The following METAP1 variants were observed in gnomAD, a reference collection of about 807,000 sequenced individuals.
The protein encoded by METAP1 is methionyl aminopeptidase 1.
A neutral mutation model predicts 53.8 loss-of-function variants in METAP1; 28 were observed. That is an observed-to-expected ratio of 0.52 (90% CI 0.39 to 0.71). The LOEUF is 0.71. Ranked by LOEUF, METAP1 falls within the 30% of genes least tolerant of loss-of-function variation. The pLI is 0.00. For missense variants in METAP1, 389 were observed against 479.8 expected (o/e 0.81, Z 1.77); for synonymous variants, 181 against 165.7 (o/e 1.09, Z -0.71).
At chr4:99,022,425 G>T in intron 1 of METAP1, 1 of 666,678 alleles carries the variant, frequency 1.5e-6, no homozygotes, top group Non-Finnish European at 2.5e-6. Flanking sequence ...CAGTTGCCAG[G>T]TGAGCCCATT....
intron 1 of METAP1, among the ~76,000 whole-genome samples, chr4:99,014,762 G>A (rs888966151): frequency 1.3e-5 from 2 of 152,184 alleles, no homozygotes; most frequent in African/African-American, 4.8e-5. Context: ...AGAGTATCCA[G>A]TAAGTGCCCC....
chr4:99,061,283 A>T lies in METAP1; in HGVS notation c.1127A>T (p.Asp376Val). 1.2e-6 allele frequency: 2 copies of T among 1,613,904 alleles called. No homozygotes were observed. Among genetic ancestry groups the T allele is most frequent in the Non-Finnish European group, 1.7e-6 (2 of 1,179,856 alleles). ...TGTGAAATCCTAACCCGGCGACTTG[A>T]CAGTGCACGGCCTCACTTCATGTCT... ...TGCEILTRRLDSARPHFMSQF is the reference protein window; with the variant it reads ...TGCEILTRRLVSARPHFMSQF Residue 376 changes from aspartate (D) to valine (V), a missense_variant, in exon 11 of 11, where the codon GAC becomes GTC. By Grantham distance (152) the Asp-to-Val change is radical. Coordinates refer to ENST00000296411, the MANE Select transcript of METAP1 (RefSeq NM_015143.3).
At chr4:99,041,816 A>G (rs753909215) in intron 6 of METAP1, among the ~76,000 whole-genome samples, 3 of 151,596 alleles carry the variant, frequency 2.0e-5, no homozygotes, top group Non-Finnish European at 4.4e-5. Context: ...ATGGTATTGT[A>G]AATTGGAAGA....
chr4:99,041,776 G>A (rs984658425), intron 6 of METAP1, among the ~76,000 whole-genome samples: 6 of 151,604 alleles, frequency 4.0e-5, no homozygotes, highest in African/African-American at 1.5e-4. Context: ...GTGTGGAAAT[G>A]ATGAAACTGG....
chr4:99,022,845 T>TAG (rs1430373605), intron 1 of METAP1: 17 of 1,567,856 alleles, frequency 1.1e-5, no homozygotes, highest in Non-Finnish European at 1.4e-5. Flanking sequence ...TACTGCTTTT[T>TAG]TCCCTCCCAC....
At chr4:99,044,369 T>C (rs937360044) in intron 7 of METAP1, among the ~76,000 whole-genome samples, 1 of 152,224 alleles carries the variant, frequency 6.6e-6, no homozygotes, top group African/African-American at 2.4e-5. Context: ...CTGTGAATGA[T>C]AGCCGAAATT....
At position 99,011,473 on chromosome 4, in the gene METAP1, T is replaced by G. The variant is rs1435837126; in HGVS notation, c.114+15606T>G. On this transcript the variant is annotated intron_variant, in intron 1 of 10. Coordinates refer to ENST00000296411, the MANE Select transcript of METAP1 (RefSeq NM_015143.3). Reference sequence around the variant, plus strand: ...GATGTATTAAATTGATTTTTGTTTTTGAATATTCTTGCATTCCTGGAATAA... The same window carrying G: ...GATGTATTAAATTGATTTTTGTTTTGGAATATTCTTGCATTCCTGGAATAA... 2.6e-5 allele frequency among the ~76,000 whole-genome samples: 4 copies of G among 152,360 alleles called. No homozygotes were observed. The East Asian group carries it at 7.7e-4, about 29-fold the overall frequency.
In METAP1 at chr4:99,010,450, C is replaced by T. The variant is rs553985983; in HGVS notation, c.114+14583C>T. ...CAGCTTAGGTGACGAGGTGAGACCC[C>T]ATCTTTAAAAAACAAAAACCTCCCA... On this transcript the variant is annotated intron_variant, in intron 1 of 10. Transcript: ENST00000296411. Among the ~76,000 whole-genome samples, 3 of 152,186 alleles carry T rather than the reference C, an allele frequency of 2.0e-5. No homozygotes were observed. In the South Asian group the frequency reaches 6.2e-4, roughly 32 times the overall value.
At chr4:99,004,492 C>T (rs866633695) in intron 1 of METAP1, among the ~76,000 whole-genome samples, 21 of 133,356 alleles carry the variant, frequency 1.6e-4, no homozygotes, top group African/African-American at 5.1e-4. Context: ...CATACACACA[C>T]ACACACACAC....
Position 99,013,555 on chromosome 4 carries a change from C to T in METAP1, c.115-15312C>T, listed in dbSNP as rs553746045. 9.8e-5 allele frequency among the ~76,000 whole-genome samples: 15 copies of T among 152,330 alleles called. No individual in the cohort carries two copies. In the East Asian group the frequency reaches 1.2e-3, roughly 12 times the overall value. ...AGTCCAGCCACGAGAGCACACCAAACAAAGGAGACGGGGACATTTATAACC... is the reference window on the plus strand; with the variant it reads ...AGTCCAGCCACGAGAGCACACCAAATAAAGGAGACGGGGACATTTATAACC... On this transcript the variant is annotated intron_variant, in intron 1 of 10. Transcript: ENST00000296411.
intron 7 of METAP1, among the ~76,000 whole-genome samples, chr4:99,043,959 G>C (rs1046118001): frequency 6.6e-6 from 1 of 152,226 alleles, no homozygotes; most frequent in South Asian, 2.1e-4. Flanking sequence ...TTTGGAGACA[G>C]GGTCTCACTG....
chr4:99,026,393 T>C (rs574915538), intron 1 of METAP1: 2 of 985,386 alleles, frequency 2.0e-6, no homozygotes, highest in Non-Finnish European at 2.4e-6. Flanking sequence ...AGCTTGTGTG[T>C]GGAGTGAAGT....
In METAP1 at chr4:99,018,569, C is replaced by T. The variant is rs187867791; in HGVS notation, c.115-10298C>T. Among the ~76,000 whole-genome samples, 501 of 152,268 alleles carry T rather than the reference C, an allele frequency of 3.3e-3. 1 individual carries two copies. Among genetic ancestry groups the T allele is most frequent in the African/African-American group, 0.01 (422 of 41,550 alleles). ...ATCTTGGCTGTCCTCAGCCAAAGGA[C>T]GTGCCCAGAAAGCATCCTTTAAGTC... On this transcript the variant is annotated intron_variant, in intron 1 of 10. Coordinates refer to ENST00000296411, the MANE Select transcript of METAP1 (RefSeq NM_015143.3).
intron 6 of METAP1, 32 bp from the exon 7 acceptor site, chr4:99,043,217 A>G (rs1726002627): frequency 6.9e-7 from 1 of 1,446,630 alleles, no homozygotes. Flanking sequence ...TTTTTCTTTT[A>G]TATATTCCAA....
rs1326477704 is a variant in METAP1, at chr4:99,034,743, C to G, written c.279+401C>G. Among the ~76,000 whole-genome samples the G allele has an allele frequency of 2.6e-5, 4 of 152,226 alleles. No homozygotes were observed. The East Asian group carries it at 7.7e-4, about 29-fold the overall frequency. On this transcript the variant is annotated intron_variant, in intron 3 of 10. Coordinates refer to ENST00000296411, the MANE Select transcript of METAP1 (RefSeq NM_015143.3). ...TCAACCTTCCGTATCACAGATTGTG[C>G]GTCAACAGATGCAGAACCAGGAGAT...
At chr4:99,051,810 A>G (rs1281191025) in intron 9 of METAP1, among the ~76,000 whole-genome samples, 1 of 152,188 alleles carries the variant, frequency 6.6e-6, no homozygotes, top group Non-Finnish European at 1.5e-5. Context: ...ATCTTTTGAA[A>G]TGTAAATCTC....
chr4:99,052,001 A>G (rs1488581952), intron 9 of METAP1, among the ~76,000 whole-genome samples: 1 of 152,226 alleles, frequency 6.6e-6, no homozygotes, highest in Non-Finnish European at 1.5e-5. Flanking sequence ...TTTAAACTGT[A>G]CAGGCATACC....
intron 1 of METAP1, among the ~76,000 whole-genome samples, chr4:99,014,991 A>C (rs931782125): frequency 1.2e-4 from 18 of 152,296 alleles, no homozygotes; most frequent in Middle Eastern, 3.4e-3. Context: ...AGGATATAGC[A>C]GAGAGAGAGC....
intron 8 of METAP1, among the ~76,000 whole-genome samples, chr4:99,048,206 G>A (rs923449410): frequency 1.2e-4 from 18 of 152,138 alleles, no homozygotes; most frequent in Admixed American, 2.6e-4. Flanking sequence ...GCTGCTATGA[G>A]TCTAACGTTT....
Sources: allele counts gnomAD v4.1 joint callset (sites outside exome capture counted in the v4.1 genomes callset), GRCh38; gene constraint gnomAD v4.1.1; transcripts MANE v1.5; gene names NCBI Gene and HGNC (gene_info 2026-07-23, HGNC 2026-07-21).